The following EDNRA variants were observed in gnomAD, a reference collection of about 807,000 sequenced individuals.
EDNRA encodes the protein endothelin receptor type A, also known as endothelin-1 receptor.
EDNRA carries 11 observed loss-of-function variants against 41.4 expected under a neutral mutation model. That is an observed-to-expected ratio of 0.27 (90% CI 0.17 to 0.44). The LOEUF (loss-of-function observed/expected upper bound fraction) is 0.44. EDNRA is among the 20% of genes least tolerant of loss of function. The pLI is 1.00. For synonymous variants in EDNRA, 172 were observed against 183.0 expected, an observed-to-expected ratio of 0.94 and a Z score of 0.49; for missense variants, 294 against 531.0, an observed-to-expected ratio of 0.55 and a Z score of 4.39.
At chr4:147,506,351 A>C (rs78049276) in intron 2 of EDNRA, 60,979 of 419,290 alleles carry the variant, frequency 0.15, 5,062 homozygotes, top group South Asian at 0.26. Context: ...CGGAAGGAAT[A>C]GTGGTACAAA....
At chr4:147,506,852 A>G (rs766846088) in intron 2 of EDNRA, 36 of 163,226 alleles carry the variant, frequency 2.2e-4, no homozygotes, top group Non-Finnish European at 3.3e-4. Flanking sequence ...CCGTATGTTA[A>G]TGGGGGCTAA....
intron 2 of EDNRA, chr4:147,489,962 A>C (rs1250936548): frequency 1.3e-5 from 2 of 152,138 alleles, no homozygotes; most frequent in Admixed American, 1.3e-4. Flanking sequence ...ACTACCCCCA[A>C]GGAACATACT....
chr4:147,490,150 CACACACA>C, intron 2 of EDNRA: 1 of 28,160 alleles, frequency 3.6e-5, no homozygotes, highest in South Asian at 1.2e-3. Flanking sequence ...CATACACTCA[CACACACA>C]CACACACACA....
intron 5 of EDNRA, among the ~76,000 whole-genome samples, chr4:147,539,489 T>A (rs1247743719): frequency 6.6e-6 from 1 of 151,850 alleles, no homozygotes; most frequent in African/African-American, 2.4e-5. Context: ...CTCAGCCACC[T>A]ACACACACAC....
At chr4:147,532,986 TGTG>T (rs891591535) in intron 4 of EDNRA, among the ~76,000 whole-genome samples, 1 of 122,492 alleles carries the variant, frequency 8.2e-6, no homozygotes, top group Non-Finnish European at 1.6e-5. Context: ...AGGGACTAGA[TGTG>T]TGTGTGTGTG....
intron 7 of EDNRA, among the ~76,000 whole-genome samples, chr4:147,542,171 C>A (rs1731126323): frequency 6.6e-6 from 1 of 152,188 alleles, no homozygotes; most frequent in African/African-American, 2.4e-5. Context: ...CCCCCACCAG[C>A]CCAGCCCTAC....
chr4:147,537,501 C>A (rs1426147649), intron 5 of EDNRA, among the ~76,000 whole-genome samples: 1 of 151,978 alleles, frequency 6.6e-6, no homozygotes, highest in African/African-American at 2.4e-5. Flanking sequence ...TGGATTTTTG[C>A]ATTCGCACCA....
intron 5 of EDNRA, among the ~76,000 whole-genome samples, chr4:147,537,965 G>A (rs1407390577): frequency 2.0e-5 from 3 of 152,168 alleles, no homozygotes; most frequent in African/African-American, 7.2e-5. Flanking sequence ...GGGGCTCATA[G>A]TTTTGCTTCT....
In EDNRA at chr4:147,532,533, T is replaced by C. The variant is rs773814734; in HGVS notation, c.576T>C (p.Arg192=). 1 of 1,614,104 alleles carries C rather than the reference T, an allele frequency of 6.2e-7. No individual in the cohort carries two copies. The highest frequency in any genetic ancestry group is 1.1e-5 in the South Asian group (1 of 91,086). ...ACAGAGCAGTTGCCTCCTGGAGTCGTGTTCAGGGAATTGGGATTCCTTTGG... is the reference window on the plus strand; with the variant it reads ...ACAGAGCAGTTGCCTCCTGGAGTCGCGTTCAGGGAATTGGGATTCCTTTGG... ...DRYRAVASWS[R]VQGIGIPLVT... Residue 192 remains arginine (R), a synonymous_variant, in exon 4 of 8, where the codon CGT becomes CGC. Coordinates refer to ENST00000651419, the MANE Select transcript of EDNRA (RefSeq NM_001957.4).
At chr4:147,535,003 C>T (rs1241606899) in intron 4 of EDNRA, among the ~76,000 whole-genome samples, 8 of 152,132 alleles carry the variant, frequency 5.3e-5, no homozygotes, top group African/African-American at 1.9e-4. Flanking sequence ...TACAGAGCAA[C>T]ATGATTATTT....
rs866014293 is a variant in EDNRA, at chr4:147,543,017, A to T, written c.*399A>T. 2.6e-5 allele frequency: 4 copies of T among 155,288 alleles called. No individual in the cohort carries two copies. Among genetic ancestry groups the T allele is most frequent in the Admixed American group, 6.5e-5 (1 of 15,394 alleles). The allele number at this position is 155,288 out of a possible 1,614,324, so 9.6% of individuals were successfully genotyped here. A position where few individuals can be genotyped will look rare whatever the true frequency, so the allele number is the denominator to read the frequency against. ...TGGTCACCATGAAACTTTAGAGATT[A>T]ACGACAAGATTTTCTACTTTTTTTA... is the stretch of plus-strand genomic sequence containing the variant. On this transcript the variant is annotated 3_prime_UTR_variant, in exon 8 of 8. Coordinates refer to ENST00000651419, the MANE Select transcript of EDNRA (RefSeq NM_001957.4).
At chr4:147,516,125 A>G (rs1226269249) in intron 2 of EDNRA, among the ~76,000 whole-genome samples, 2 of 152,218 alleles carry the variant, frequency 1.3e-5, no homozygotes, top group Non-Finnish European at 2.9e-5. Context: ...TGTCTCCACG[A>G]TTCTTTCTGT....
intron 2 of EDNRA, among the ~76,000 whole-genome samples, chr4:147,505,723 A>C (rs1729687270): frequency 7.4e-6 from 1 of 134,744 alleles, no homozygotes; most frequent in African/African-American, 2.9e-5. Flanking sequence ...ATCTCGGCTC[A>C]CTGCAAGCTC....
intron 2 of EDNRA, among the ~76,000 whole-genome samples, chr4:147,499,316 A>C (rs980219550): frequency 1.3e-5 from 2 of 152,204 alleles, no homozygotes; most frequent in African/African-American, 4.8e-5. Flanking sequence ...TCTGCTTCAC[A>C]AAGTGCTGGG....
At chr4:147,515,107 C>A in intron 2 of EDNRA, among the ~76,000 whole-genome samples, 1 of 152,180 alleles carries the variant, frequency 6.6e-6, no homozygotes, top group African/African-American at 2.4e-5. Context: ...CTTGGGAATC[C>A]CCTGGGACCC....
rs146507859 is a variant in EDNRA, at chr4:147,503,076, G to C, written c.421-16775G>C. Among the ~76,000 whole-genome samples the C allele has an allele frequency of 1.5e-3, 228 of 152,072 alleles. 2 individuals carry two copies. The highest frequency in any genetic ancestry group is 5.1e-3 in the African/African-American group (212 of 41,512). Reference sequence around the variant, plus strand: ...TTGTTCAGCCTTGAGTTTGTTTTGAGAGCTTTAGTTTGGATAAAAAAGAGA... The same window carrying C: ...TTGTTCAGCCTTGAGTTTGTTTTGACAGCTTTAGTTTGGATAAAAAAGAGA... On this transcript the variant is annotated intron_variant, in intron 2 of 7. Coordinates refer to ENST00000651419, the MANE Select transcript of EDNRA (RefSeq NM_001957.4).
rs17023396 is a variant in EDNRA at position 147,497,994 on chromosome 4, G to T, written c.420+11893G>T. ...ATACAAGATTGCCAGGGTAGGGATG[G>T]TTGTCATAGAAATTTACCAAATTGG... On this transcript the variant is annotated intron_variant, in intron 2 of 7. Coordinates refer to ENST00000651419, the MANE Select transcript of EDNRA (RefSeq NM_001957.4). Among the ~76,000 whole-genome samples the T allele has an allele frequency of 9.2e-3, 1,405 of 152,298 alleles. 15 individuals are homozygous for T. Among genetic ancestry groups the T allele is most frequent in the African/African-American group, 0.032 (1,318 of 41,566 alleles).
At position 147,536,377 on chromosome 4, in the gene EDNRA, A is replaced by G. The variant is rs1382752455; in HGVS notation, c.900+348A>G. Among the ~76,000 whole-genome samples the G allele has an allele frequency of 2.0e-5, 3 of 152,336 alleles. No individual in the cohort carries two copies. The East Asian group carries it at 5.8e-4, about 29-fold the overall frequency. Reference sequence around the variant, plus strand: ...TAACTTTCTCCCCATGCAGATTTACAGTCTTGTTGTAGAAATAAAATATGC... The same window carrying G: ...TAACTTTCTCCCCATGCAGATTTACGGTCTTGTTGTAGAAATAAAATATGC... On this transcript the variant is annotated intron_variant, in intron 5 of 7. Transcript: ENST00000651419.
At chr4:147,539,667 G>A (rs970157458) in intron 5 of EDNRA, 150 bp from the exon 6 acceptor site, 1 of 807,330 alleles carries the variant, frequency 1.2e-6, no homozygotes, top group Non-Finnish European at 1.9e-6. Context: ...GAATCTTGAA[G>A]AGGTAGAGGC....
Sources: allele counts gnomAD v4.1 joint callset (sites outside exome capture counted in the v4.1 genomes callset), GRCh38; gene constraint gnomAD v4.1.1; transcripts MANE v1.5; gene names NCBI Gene and HGNC (gene_info 2026-07-23, HGNC 2026-07-21).